The following C13orf42 variants were observed in gnomAD, a reference collection of about 807,000 sequenced individuals.
C13orf42 encodes chromosome 13 open reading frame 42, also known as uncharacterized protein C13orf42.
intron 1 of C13orf42, among the ~76,000 whole-genome samples, chr13:51,161,394 T>A (rs560618793): frequency 4.3e-4 from 66 of 152,040 alleles, no homozygotes; most frequent in Non-Finnish European, 8.7e-4. Flanking sequence ...TTACCCACCC[T>A]GGAGAAACTG....
At chr13:51,138,694 A>T (rs996558743) in intron 1 of C13orf42, among the ~76,000 whole-genome samples, 2 of 152,242 alleles carry the variant, frequency 1.3e-5, no homozygotes, top group African/African-American at 4.8e-5. Flanking sequence ...TCAAAAAATT[A>T]AAAATAGGAC....
rs183714680 is a variant in C13orf42 at position 51,093,250 on chromosome 13, C to T, written c.415-5175G>A. 5.0e-4 allele frequency among the ~76,000 whole-genome samples: 76 copies of T among 152,278 alleles called. 1 individual carries two copies. The highest frequency in any genetic ancestry group is 1.7e-3 in the African/African-American group (72 of 41,560). The stretch of plus-strand genomic sequence containing the variant: ...ATCTCTTGTTCCATAGACTTTCTCA[C>T]ATTCTGGATTTGACTGACTCCTTCT... On this transcript the variant is annotated intron_variant, in intron 1 of 3. Transcript: ENST00000563710.
intron 1 of C13orf42, among the ~76,000 whole-genome samples, chr13:51,129,154 T>A (rs1205936720): frequency 6.6e-6 from 1 of 152,106 alleles, no homozygotes; most frequent in Non-Finnish European, 1.5e-5. Flanking sequence ...ATGCCTGGAG[T>A]GTGAGCTGCT....
rs114468301 is a variant in C13orf42, at chr13:51,122,218, T to C, written n.137-8996A>G. ...AAAGAATATATATCAGAAATATATA[T>C]GACCAGAATATATGATTAGAAAAGA... is the stretch of plus-strand genomic sequence containing the variant. On this transcript the variant is annotated intron_variant and non_coding_transcript_variant, in intron 1 of 4. Coordinates refer to the C13orf42 transcript ENST00000433280. 8.3e-3 allele frequency among the ~76,000 whole-genome samples: 1,261 copies of C among 152,026 alleles called. 12 individuals are homozygous for C. The highest frequency in any genetic ancestry group is 0.026 in the African/African-American group (1,068 of 41,512).
intron 1 of C13orf42, among the ~76,000 whole-genome samples, chr13:51,094,021 A>C (rs1593529994): frequency 1.3e-5 from 2 of 152,166 alleles, no homozygotes; most frequent in African/African-American, 4.8e-5. Context: ...TCTTGTCATC[A>C]GTTGTAATTA....
intron 1 of C13orf42, among the ~76,000 whole-genome samples, chr13:51,143,020 T>C (rs1436857306): frequency 6.6e-6 from 1 of 152,188 alleles, no homozygotes; most frequent in South Asian, 2.1e-4. Context: ...GGAAAAAGAA[T>C]TGAGATTAAA....
At chr13:51,108,200 A>G (rs1047376242) in intron 1 of C13orf42, among the ~76,000 whole-genome samples, 2 of 152,192 alleles carry the variant, frequency 1.3e-5, no homozygotes, top group African/African-American at 4.8e-5. Flanking sequence ...GCATGACCTC[A>G]TCGTAACTAA....
chr13:51,148,702 G>C (rs1018145964), intron 1 of C13orf42, among the ~76,000 whole-genome samples: 1 of 152,222 alleles, frequency 6.6e-6, no homozygotes, highest in African/African-American at 2.4e-5. Context: ...GGGCAGCGAC[G>C]TGCCTTAGGA....
intron 2 of C13orf42, among the ~76,000 whole-genome samples, chr13:51,086,275 C>G (rs1287033376): frequency 1.4e-5 from 2 of 145,184 alleles, no homozygotes; most frequent in African/African-American, 5.2e-5. Context: ...CCACTGCACA[C>G]AGCCTGGGCG....
upstream of C13orf42, among the ~76,000 whole-genome samples, chr13:51,113,425 A>G (rs1953454269): frequency 6.6e-6 from 1 of 152,204 alleles, no homozygotes; most frequent in Admixed American, 6.5e-5. Context: ...CTTTCTCCCT[A>G]CAAAATACTC....
In C13orf42 at chr13:51,082,417, C is replaced by T. The variant is rs1431128227; in HGVS notation, c.*1734G>A. The stretch of plus-strand genomic sequence containing the variant: ...AAAAAATCAGGACTCCAAACATCCT[C>T]GCAGTCATGTTTATTTTTTCTTATC... On this transcript the variant is annotated 3_prime_UTR_variant, in exon 4 of 4. Transcript: ENST00000563710. The T allele has an allele frequency of 6.6e-6, 1 of 152,196 alleles. No homozygotes were observed. Among genetic ancestry groups the T allele is most frequent in the Non-Finnish European group, 1.5e-5 (1 of 68,026 alleles). 9.4% of individuals were successfully genotyped at this position (152,196 alleles called of 1,614,324 possible). A position where few individuals can be genotyped will look rare whatever the true frequency, so the allele number is the denominator to read the frequency against.
At chr13:51,151,993 A>G (rs931214781) in intron 1 of C13orf42, among the ~76,000 whole-genome samples, 2 of 152,222 alleles carry the variant, frequency 1.3e-5, no homozygotes, top group African/African-American at 4.8e-5. Context: ...TCTCTGGCCC[A>G]GCCCAGCCCT....
At chr13:51,087,791 T>C (rs1194857757) in intron 2 of C13orf42, 137 bp downstream of exon 2, 2 of 395,002 alleles carry the variant, frequency 5.1e-6, no homozygotes, top group East Asian at 7.2e-5. Flanking sequence ...AGGTGCAGGG[T>C]TTCCCTTTAA....
In C13orf42 at chr13:51,082,209, G is replaced by A. The variant is rs1386960481; in HGVS notation, c.*1942C>T. The A allele has an allele frequency of 6.6e-6, 1 of 152,194 alleles. No homozygotes were observed. Among genetic ancestry groups the A allele is most frequent in the African/African-American group, 2.4e-5 (1 of 41,436 alleles). 9.4% of individuals were successfully genotyped at this position (152,194 alleles called of 1,614,324 possible). A position where few individuals can be genotyped will look rare whatever the true frequency, so the allele number is the denominator to read the frequency against. ...CTCAAGATTCCCCAGGCAGAGCACA[G>A]ATCCTTGGGTTTATCACCAACTTCA... On this transcript the variant is annotated 3_prime_UTR_variant, in exon 4 of 4. Transcript: ENST00000563710.
rs1047813658 is a variant in C13orf42, at chr13:51,082,752, T to C, written c.*1399A>G. The C allele has an allele frequency of 1.3e-5, 2 of 152,220 alleles. No individual in the cohort carries two copies. Among genetic ancestry groups the C allele is most frequent in the Admixed American group, 1.3e-4 (2 of 15,286 alleles). 9.4% of individuals were successfully genotyped at this position (152,220 alleles called of 1,614,324 possible). On this transcript the variant is annotated 3_prime_UTR_variant, in exon 4 of 4. Coordinates refer to ENST00000563710, the MANE Select transcript of C13orf42 (RefSeq NM_001351589.3). Reference sequence around the variant, plus strand: ...GAAAGAAACTTTCCAAACATTGACATTGGCACTCGAAAAATAATAAAGAGA... The same window carrying C: ...GAAAGAAACTTTCCAAACATTGACACTGGCACTCGAAAAATAATAAAGAGA...
At chr13:51,098,940 A>G (rs776386006) in intron 1 of C13orf42, among the ~76,000 whole-genome samples, 3 of 152,112 alleles carry the variant, frequency 2.0e-5, no homozygotes, top group Non-Finnish European at 4.4e-5. Flanking sequence ...CTGAATGTCA[A>G]TATTGGTGAT....
chr13:51,115,614 C>A (rs920191831), upstream of C13orf42, among the ~76,000 whole-genome samples: 2 of 152,136 alleles, frequency 1.3e-5, no homozygotes, highest in African/African-American at 2.4e-5. Context: ...CTCGACCACT[C>A]CCCTGACAGG....
intron 1 of C13orf42, among the ~76,000 whole-genome samples, chr13:51,138,675 G>A (rs948996966): frequency 6.6e-6 from 1 of 152,150 alleles, no homozygotes; most frequent in Non-Finnish European, 1.5e-5. Context: ...GAAAAAGTAT[G>A]GAGATTCCTC....
intron 1 of C13orf42, among the ~76,000 whole-genome samples, chr13:51,108,736 C>T (rs1441741984): frequency 1.3e-5 from 2 of 152,204 alleles, no homozygotes; most frequent in African/African-American, 4.8e-5. Context: ...CAAAGGCACA[C>T]AGCTGGTAAA....
Sources: gnomAD v4.1 joint callset for allele counts (sites outside exome capture counted in the v4.1 genomes callset) on GRCh38, gnomAD v4.1.1 for gene constraint, MANE v1.5 for transcripts, NCBI Gene and HGNC (gene_info 2026-07-23, HGNC 2026-07-21) for gene names.